The following LRRC4C variants were observed in gnomAD, a reference collection of about 807,000 sequenced individuals.
The protein encoded by LRRC4C is leucine rich repeat containing 4C, also known as leucine-rich repeat-containing protein 4C.
A neutral mutation model predicts 33.6 loss-of-function variants in LRRC4C; 5 were observed. The observed-to-expected ratio is 0.15, with a 90% CI of 0.08 to 0.31. The LOEUF is 0.31. Among genes scored for constraint, LRRC4C ranks in the 10% least tolerant of loss-of-function variants. LRRC4C has a pLI of 1.00. For synonymous variants in LRRC4C, 329 were observed against 302.0 expected (o/e 1.09, Z -0.93); for missense variants, 560 against 796.7 (o/e 0.70, Z 3.58).
intron 2 of LRRC4C, among the ~76,000 whole-genome samples, chr11:40,814,498 T>A (rs1387782981): frequency 1.3e-5 from 2 of 152,040 alleles, no homozygotes; most frequent in Admixed American, 1.3e-4. Context: ...GCTGCAAAGG[T>A]CTCTGACATG....
chr11:41,094,725 C>T (rs1023049473), intron 1 of LRRC4C, among the ~76,000 whole-genome samples: 2 of 152,072 alleles, frequency 1.3e-5, no homozygotes, highest in African/African-American at 4.8e-5. Flanking sequence ...AAGCCCTATA[C>T]AAGATCAAAG....
intron 1 of LRRC4C, among the ~76,000 whole-genome samples, chr11:41,031,130 G>T (rs1856705483): frequency 6.6e-6 from 1 of 151,946 alleles, no homozygotes; most frequent in Non-Finnish European, 1.5e-5. Flanking sequence ...TAGAGCTGAA[G>T]GCCTCTCCAC....
At chr11:40,169,610 C>T (rs1859878673) in intron 5 of LRRC4C, among the ~76,000 whole-genome samples, 1 of 152,082 alleles carries the variant, frequency 6.6e-6, no homozygotes, top group Non-Finnish European at 1.5e-5. Flanking sequence ...AACACCTGCT[C>T]AAAATGCTAT....
chr11:40,970,496 C>T (rs1851653344), intron 1 of LRRC4C, among the ~76,000 whole-genome samples: 1 of 152,238 alleles, frequency 6.6e-6, no homozygotes, highest in East Asian at 1.9e-4. Context: ...ATCAAACCTC[C>T]TTTCCTTATA....
At chr11:40,379,417 A>T (rs2137328555) in intron 3 of LRRC4C, among the ~76,000 whole-genome samples, 1 of 152,294 alleles carries the variant, frequency 6.6e-6, no homozygotes, top group Non-Finnish European at 1.5e-5. Context: ...TGTGATATCT[A>T]CCTTCACCCA....
intron 1 of LRRC4C, among the ~76,000 whole-genome samples, chr11:41,159,773 T>C (rs1205308081): frequency 6.6e-6 from 1 of 152,090 alleles, no homozygotes; most frequent in African/African-American, 2.4e-5. Flanking sequence ...CTTTTTATAC[T>C]GGAAAGGTCA....
At chr11:40,305,976 C>T (rs530075240) in intron 4 of LRRC4C, among the ~76,000 whole-genome samples, 3 of 152,262 alleles carry the variant, frequency 2.0e-5, no homozygotes, top group East Asian at 1.9e-4. Context: ...ACTTGACCAA[C>T]GAGGTTGTTT....
At chr11:40,689,148 A>G (rs750453296) in intron 2 of LRRC4C, among the ~76,000 whole-genome samples, 22 of 152,238 alleles carry the variant, frequency 1.4e-4, no homozygotes, top group Admixed American at 1.3e-4. Context: ...ATAAATGAGA[A>G]AAGGAACAAA....
At chr11:41,163,284 G>GGTTTTTTTTTTTT (rs1555095278) in intron 1 of LRRC4C, among the ~76,000 whole-genome samples, 2 of 73,382 alleles carry the variant, frequency 2.7e-5, no homozygotes, top group Admixed American at 2.3e-4. Flanking sequence ...TACTGTAACT[G>GGTTTTTTTTTTTT]TTTTTTTTTT....
At chr11:40,253,352 T>G (rs758416956) in intron 4 of LRRC4C, among the ~76,000 whole-genome samples, 3 of 152,184 alleles carry the variant, frequency 2.0e-5, no homozygotes, top group Non-Finnish European at 4.4e-5. Context: ...TTACTTGGTG[T>G]TGTGGGCCAA....
intron 2 of LRRC4C, among the ~76,000 whole-genome samples, chr11:40,774,189 C>T (rs1297456511): frequency 6.6e-6 from 1 of 151,952 alleles, no homozygotes; most frequent in Non-Finnish European, 1.5e-5. Flanking sequence ...TAACATTTAT[C>T]CTGGCTGAAT....
intron 1 of LRRC4C, among the ~76,000 whole-genome samples, chr11:40,989,148 C>A (rs564314437): frequency 6.6e-6 from 1 of 152,206 alleles, no homozygotes; most frequent in East Asian, 1.9e-4. Flanking sequence ...CCAGTTTTAC[C>A]TTTTGACTTT....
chr11:41,188,790 G>A (rs563622048), intron 1 of LRRC4C, among the ~76,000 whole-genome samples: 4 of 150,384 alleles, frequency 2.7e-5, no homozygotes, highest in Non-Finnish European at 5.9e-5. Flanking sequence ...GTTTGGTTTT[G>A]GGCAGGTTAT....
At chr11:41,239,319 C>T (rs1205267979) in intron 1 of LRRC4C, among the ~76,000 whole-genome samples, 1 of 33,690 alleles carries the variant, frequency 3.0e-5, no homozygotes, top group Non-Finnish European at 5.8e-5. Flanking sequence ...AAGACTCTGT[C>T]TCAAAAAAAA....
At chr11:40,238,678 T>C (rs1865731682) in intron 5 of LRRC4C, among the ~76,000 whole-genome samples, 1 of 152,166 alleles carries the variant, frequency 6.6e-6, no homozygotes. Context: ...TTTTATCACA[T>C]GAGTTTAAGA....
chr11:40,714,985 A>G (rs1946638121), intron 2 of LRRC4C, among the ~76,000 whole-genome samples: 1 of 152,212 alleles, frequency 6.6e-6, no homozygotes, highest in South Asian at 2.1e-4. Flanking sequence ...AGAGGACACT[A>G]TAAGAGAATA....
intron 1 of LRRC4C, among the ~76,000 whole-genome samples, chr11:40,994,943 C>T (rs1212214948): frequency 6.6e-6 from 1 of 152,066 alleles, no homozygotes; most frequent in African/African-American, 2.4e-5. Flanking sequence ...TTGGCTCAAC[C>T]ATAAAATGTG....
At chr11:41,141,358 C>T (rs980220343) in intron 1 of LRRC4C, among the ~76,000 whole-genome samples, 3 of 151,906 alleles carry the variant, frequency 2.0e-5, no homozygotes, top group Non-Finnish European at 4.4e-5. Flanking sequence ...ACATAGAGCC[C>T]TGACTAAAAT....
rs563476585 is a variant in LRRC4C, at chr11:40,179,572, A to G, written c.-95-38719T>C. The stretch of plus-strand genomic sequence containing the variant: ...TATAACATCACAGTGCACAGTAAGC[A>G]CCTGCTTACTTTGTCTTCTTCTCCC... On this transcript the variant is annotated intron_variant, in intron 5 of 6. Coordinates refer to ENST00000528697, the MANE Select transcript of LRRC4C (RefSeq NM_001258419.2). Among the ~76,000 whole-genome samples, 4 of 152,246 alleles carry G rather than the reference A, an allele frequency of 2.6e-5. No individual in the cohort carries two copies. In the East Asian group the frequency reaches 7.8e-4, roughly 30 times the overall value.
Sources: allele counts gnomAD v4.1 joint callset (sites outside exome capture counted in the v4.1 genomes callset), GRCh38; gene constraint gnomAD v4.1.1; transcripts MANE v1.5; gene names NCBI Gene and HGNC (gene_info 2026-07-23, HGNC 2026-07-21).